TMEM114: variants seen among roughly 807,000 people sequenced by gnomAD.
TMEM114 encodes the protein claudin-26.
A neutral mutation model predicts 6.2 loss-of-function variants in TMEM114; 6 were observed. The ratio of observed to expected loss-of-function variants is 0.97; its 90% CI spans 0.53 to 1.91. The LOEUF is 1.91. TMEM114 is among the 40% of genes most tolerant of loss of function. The pLI is 0.01. For synonymous variants in TMEM114, 104 were observed against 73.0 expected, an observed-to-expected ratio of 1.42 and a Z score of -2.16; for missense variants, 218 against 158.3, an observed-to-expected ratio of 1.38 and a Z score of -2.02.
the TMEM114 span, chr16:8,531,938 G>A: frequency 1.3e-5 from 2 of 152,222 alleles, no homozygotes; most frequent in South Asian, 4.1e-4. Flanking sequence ...ACCTCATGTA[G>A]ATGAGAAGTA....
At chr16:8,567,806 AT>A (rs1901595271), downstream of TMEM114, among the ~76,000 whole-genome samples, 1 of 152,190 alleles carries the variant, frequency 6.6e-6, no homozygotes, top group South Asian at 2.1e-4. Flanking sequence ...CAGTTCCACA[AT>A]ACGACCAGCA....
chr16:8,578,954 G>A (rs1902039117), intron 2 of TMEM114, among the ~76,000 whole-genome samples: 1 of 152,120 alleles, frequency 6.6e-6, no homozygotes, highest in Non-Finnish European at 1.5e-5. Flanking sequence ...ACTCTAGCCT[G>A]GGTGACAGGG....
At chr16:8,536,909 C>A (rs1300231557), downstream of TMEM114, among the ~76,000 whole-genome samples, 1 of 152,046 alleles carries the variant, frequency 6.6e-6, no homozygotes, top group African/African-American at 2.4e-5. Context: ...CACATTTTTA[C>A]TTTTATTAAA....
At chr16:8,532,922 T>C (rs534462808), downstream of TMEM114, among the ~76,000 whole-genome samples, 1 of 151,918 alleles carries the variant, frequency 6.6e-6, no homozygotes, top group East Asian at 1.9e-4. Flanking sequence ...AGATTCCATC[T>C]CAAAAAAAGG....
At chr16:8,546,893 T>C (rs1402688784) in intron 2 of TMEM114, among the ~76,000 whole-genome samples, 1 of 152,220 alleles carries the variant, frequency 6.6e-6, no homozygotes, top group African/African-American at 2.4e-5. Flanking sequence ...TCTGAATAAA[T>C]AGCTTTTTCT....
chr16:8,569,277 A>C (rs149917881), downstream of TMEM114, among the ~76,000 whole-genome samples: 73 of 152,280 alleles, frequency 4.8e-4, 1 homozygote, highest in African/African-American at 1.8e-3. Context: ...TTGTAGACCT[A>C]ACCTGACCCC....
At chr16:8,564,263 GATGAAATA>G (rs1270076280) in intron 2 of TMEM114, among the ~76,000 whole-genome samples, 3 of 10,354 alleles carry the variant, frequency 2.9e-4, no homozygotes, top group African/African-American at 7.4e-4. Flanking sequence ...GTGAATGAGT[GATGAAATA>G]AGTGAATGAG....
At chr16:8,575,197 T>C (rs1280973661) in intron 2 of TMEM114, among the ~76,000 whole-genome samples, 1 of 152,162 alleles carries the variant, frequency 6.6e-6, no homozygotes, top group Non-Finnish European at 1.5e-5. Flanking sequence ...TGTGTGACTT[T>C]GGACAAATGA....
At chr16:8,562,244 GTGAC>G (rs1430883192) in intron 2 of TMEM114, among the ~76,000 whole-genome samples, 8 of 149,724 alleles carry the variant, frequency 5.3e-5, no homozygotes, top group Admixed American at 5.3e-4. Context: ...GAGTGAATGA[GTGAC>G]TGAGTAAATG....
chr16:8,542,369 A>C (rs1184186882), intron 2 of TMEM114, among the ~76,000 whole-genome samples: 1 of 152,154 alleles, frequency 6.6e-6, no homozygotes, highest in Non-Finnish European at 1.5e-5. Context: ...TCACATTTTT[A>C]AAGAAACCCA....
At position 8,564,339 on chromosome 16, in the gene TMEM114, C is replaced by G. The variant is rs1017072541; in HGVS notation, n.212+24874G>C. 8.6e-5 allele frequency among the ~76,000 whole-genome samples: 10 copies of G among 116,754 alleles called. 2 individuals are homozygous for G. The highest frequency in any genetic ancestry group is 2.4e-4 in the African/African-American group (7 of 29,316). 76.6% of individuals were successfully genotyped at this position (116,754 alleles called of 152,430 possible). On this transcript the variant is annotated intron_variant and non_coding_transcript_variant, in intron 2 of 2. Transcript: ENST00000623677. ...TGAATGAGTGAGTTAGAGAATGAGT[C>G]AGTGAGAGAATGAGTCAGTGAGTGA...
intron 2 of TMEM114, among the ~76,000 whole-genome samples, chr16:8,583,955 C>T (rs551308135): frequency 5.3e-5 from 8 of 152,260 alleles, no homozygotes; most frequent in Middle Eastern, 3.4e-3. Flanking sequence ...TGACTCAGCC[C>T]GGCCAATCAG....
chr16:8,547,967 T>G (rs1326181719), intron 2 of TMEM114, among the ~76,000 whole-genome samples: 1 of 152,086 alleles, frequency 6.6e-6, no homozygotes, highest in Non-Finnish European at 1.5e-5. Flanking sequence ...GCTGTGGAAA[T>G]GATTCCCAGT....
At chr16:8,560,360 G>A (rs1041973053) in intron 2 of TMEM114, among the ~76,000 whole-genome samples, 7 of 152,020 alleles carry the variant, frequency 4.6e-5, no homozygotes, top group Non-Finnish European at 1.0e-4. Context: ...TCCATCAGTG[G>A]GAGCGAGGGT....
At chr16:8,537,859 C>G (rs1900404976) in intron 2 of TMEM114, 1 of 152,030 alleles carries the variant, frequency 6.6e-6, no homozygotes, top group Non-Finnish European at 1.5e-5. Context: ...TTATTGTGTA[C>G]TGATATGAAC....
intron 2 of TMEM114, among the ~76,000 whole-genome samples, chr16:8,539,257 T>C (rs1275005390): frequency 6.6e-6 from 1 of 152,092 alleles, no homozygotes; most frequent in Admixed American, 6.5e-5. Context: ...TAATCTTGAA[T>C]TCCAGGATGT....
intron 2 of TMEM114, among the ~76,000 whole-genome samples, chr16:8,559,955 G>C (rs1901144631): frequency 6.6e-6 from 1 of 152,096 alleles, no homozygotes; most frequent in Non-Finnish European, 1.5e-5. Context: ...AGAAGACCGG[G>C]CTTTGCGTCT....
At chr16:8,564,069 G>A (rs1443192364) in intron 2 of TMEM114, among the ~76,000 whole-genome samples, 2 of 148,544 alleles carry the variant, frequency 1.3e-5, no homozygotes, top group African/African-American at 5.2e-5. Flanking sequence ...AAATGAGTGA[G>A]TGAGTGCATG....
chr16:8,571,472 T>C (rs1901730334), intron 3 of TMEM114, among the ~76,000 whole-genome samples: 1 of 152,190 alleles, frequency 6.6e-6, no homozygotes, highest in Non-Finnish European at 1.5e-5. Context: ...TCAGCGATTT[T>C]CAAGAACACA....
Sources: allele counts gnomAD v4.1 joint callset (sites outside exome capture counted in the v4.1 genomes callset), GRCh38; gene constraint gnomAD v4.1.1; transcripts MANE v1.5; gene names NCBI Gene and HGNC (gene_info 2026-07-23, HGNC 2026-07-21).